Variants in RAD50 observed in about 807,000 individuals in gnomAD.
RAD50 encodes RAD50 double strand break repair protein, also known as DNA repair protein RAD50.
RAD50 carries 132 observed loss-of-function variants against 168.8 expected under a neutral mutation model. The observed-to-expected ratio is 0.78, with a 90% CI of 0.68 to 0.90. RAD50 has a LOEUF of 0.90. Ranked by LOEUF, RAD50 falls within the 40% of genes least tolerant of loss-of-function variation. The pLI is 0.00. For synonymous variants in RAD50, 525 were observed against 497.4 expected, an observed-to-expected ratio of 1.06 and a Z score of -0.74; for missense variants, 1,347 against 1,534.4, an observed-to-expected ratio of 0.88 and a Z score of 2.04.
Position 132,609,355 on chromosome 5 carries a change from G to A in RAD50, c.2995G>A (p.Glu999Lys). 1 of 1,613,798 alleles carries A rather than the reference G, an allele frequency of 6.2e-7. No individual in the cohort carries two copies. The highest frequency in any genetic ancestry group is 8.5e-7 in the Non-Finnish European group (1 of 1,179,882). The stretch of plus-strand genomic sequence containing the variant: ...CGAGAAACACAAAGAAAAGATAAAT[G>A]AAGATATGAGACTCATGAGACAAGA... The part of the protein sequence containing the change: ...ECEKHKEKIN[E>K]DMRLMRQDID... The change falls in exon 19 of 25, where the codon GAA (glutamate) becomes AAA (lysine). Residue 999 changes from glutamate (E) to lysine (K), a missense_variant. Physicochemically the swap from Glu to Lys is moderately conservative, Grantham distance 56. Around this residue, in one of 3 missense-constraint regions of RAD50, gnomAD observed 635 missense variants for 739.2 expected, o/e 0.86. Transcript: ENST00000378823.
chr5:132,611,303 A>C (rs373638326), intron 19 of RAD50, among the ~76,000 whole-genome samples: 2 of 152,298 alleles, frequency 1.3e-5, no homozygotes, highest in African/African-American at 4.8e-5. Flanking sequence ...AGGCAGGAGA[A>C]TCGCTTGAAC....
At chr5:132,588,610 T>C (rs2149840910) in intron 7 of RAD50, 77 bp from the exon 8 acceptor site, 1 of 1,390,626 alleles carries the variant, frequency 7.2e-7, no homozygotes, top group Non-Finnish European at 9.9e-7. Flanking sequence ...TTATTTTTTA[T>C]AACTCGTGAA....
At chr5:132,600,996 A>G (rs926656790) in intron 13 of RAD50, among the ~76,000 whole-genome samples, 3 of 152,178 alleles carry the variant, frequency 2.0e-5, no homozygotes, top group African/African-American at 7.2e-5. Flanking sequence ...AACTCTTGAA[A>G]ATAAAAAATA....
chr5:132,604,090 TTGCGAGCACA>T, intron 15 of RAD50, 44 bp downstream of exon 15: 2 of 1,606,542 alleles, frequency 1.2e-6, no homozygotes, highest in East Asian at 4.5e-5. Flanking sequence ...GACTTTGACA[TTGCGAGCACA>T]TGCCTTTTAC....
chr5:132,596,010 T>C (rs1750786400), intron 13 of RAD50, among the ~76,000 whole-genome samples, 200 bp downstream of exon 13: 2 of 152,110 alleles, frequency 1.3e-5, no homozygotes, highest in African/African-American at 4.8e-5. Flanking sequence ...TTTCTTTTTT[T>C]TTTCTGAGAC....
intron 9 of RAD50, among the ~76,000 whole-genome samples, chr5:132,590,153 A>G (rs1411010849): frequency 1.3e-5 from 2 of 152,180 alleles, no homozygotes; most frequent in Non-Finnish European, 2.9e-5. Context: ...AAACTGGCTA[A>G]TTCTTATGAG....
chr5:132,640,152 A>ATACTT (rs1398550428), intron 23 of RAD50, among the ~76,000 whole-genome samples: 5 of 152,152 alleles, frequency 3.3e-5, no homozygotes, highest in African/African-American at 1.2e-4. Flanking sequence ...TATACTCCTG[A>ATACTT]TACTTTGACC....
chr5:132,599,024 A>G (rs1400874532), intron 13 of RAD50, among the ~76,000 whole-genome samples: 1 of 152,186 alleles, frequency 6.6e-6, no homozygotes, highest in Non-Finnish European at 1.5e-5. Context: ...AGACTAGGCA[A>G]CCACACATTT....
chr5:132,611,705 TAAA>T (rs34112186), intron 19 of RAD50, among the ~76,000 whole-genome samples: 6,883 of 102,890 alleles, frequency 0.067, 622 homozygotes, highest in African/African-American at 0.23. Context: ...GACTCCGTCT[TAAA>T]AAAAAAAAAA....
chr5:132,621,715 GT>G (rs966509567), intron 21 of RAD50, among the ~76,000 whole-genome samples: 1 of 152,128 alleles, frequency 6.6e-6, no homozygotes. Flanking sequence ...TATGGTTACA[GT>G]TGAGAAATCA....
chr5:132,598,303 G>A (rs966722988), intron 13 of RAD50, among the ~76,000 whole-genome samples: 7 of 152,144 alleles, frequency 4.6e-5, no homozygotes, highest in African/African-American at 1.7e-4. Flanking sequence ...GCCTGCCTCA[G>A]CCTCCCAAAG....
At chr5:132,635,018 C>G (rs1386438703) in intron 21 of RAD50, among the ~76,000 whole-genome samples, 1 of 152,086 alleles carries the variant, frequency 6.6e-6, no homozygotes, top group Non-Finnish European at 1.5e-5. Context: ...CTGTGTCATA[C>G]CTTATATACT....
At chr5:132,639,341 G>A (rs991170799) in intron 23 of RAD50, among the ~76,000 whole-genome samples, 3 of 120,364 alleles carry the variant, frequency 2.5e-5, no homozygotes, top group East Asian at 4.7e-4. Context: ...CAACAAGAGC[G>A]AAACTCCGTC....
At chr5:132,576,491 A>C (rs115426510) in intron 3 of RAD50, among the ~76,000 whole-genome samples, 2 of 152,308 alleles carry the variant, frequency 1.3e-5, no homozygotes, top group East Asian at 1.9e-4. Context: ...TTACTTGACT[A>C]TTCAGCTTCT....
At position 132,604,991 on chromosome 5, in the gene RAD50, GAGAT is replaced by G; in HGVS notation, c.2712_2715del (p.Ile905ArgfsTer7). The stretch of plus-strand genomic sequence containing the variant: ...CACTGAAGTTCAGTCTTTGTACAGA[GAGAT>G]AAAGGTAAGAATATCCATACATGTT... On this transcript the variant is annotated frameshift_variant, in exon 16 of 25. Transcript: ENST00000378823. LOFTEE classifies it high-confidence loss of function. 6.2e-7 allele frequency: 1 copy of G among 1,604,206 alleles called. No individual in the cohort carries two copies. The highest frequency in any genetic ancestry group is 1.1e-5 in the South Asian group (1 of 90,510).
At chr5:132,604,174 T>C in intron 15 of RAD50, 128 bp downstream of exon 15, 1 of 1,172,546 alleles carries the variant, frequency 8.5e-7, no homozygotes, top group Non-Finnish European at 1.2e-6. Context: ...ATTTGCTCTT[T>C]TTTTCTGAAA....
intron 17 of RAD50, 50 bp downstream of exon 17, chr5:132,608,775 T>C (rs373760802): frequency 3.8e-5 from 58 of 1,538,898 alleles, no homozygotes; most frequent in East Asian, 2.5e-5. Context: ...ATTAAACTTA[T>C]GTTCATAGCA....
At chr5:132,566,036 T>A (rs900563901) in intron 2 of RAD50, among the ~76,000 whole-genome samples, 2 of 152,324 alleles carry the variant, frequency 1.3e-5, no homozygotes, top group Admixed American at 1.3e-4. Context: ...ACAACTAGAT[T>A]GTTTGGAGAA....
intron 11 of RAD50, chr5:132,593,013 T>G (rs1352416884): frequency 8.2e-5 from 32 of 389,552 alleles, no homozygotes; most frequent in South Asian, 5.9e-4. Context: ...ATTGATCTTC[T>G]TCAGTTAGGG....
Sources: allele counts gnomAD v4.1 joint callset (sites outside exome capture counted in the v4.1 genomes callset), GRCh38; gene constraint gnomAD v4.1.1; regional missense constraint gnomAD v4.1.1; transcripts MANE v1.5; gene names NCBI Gene and HGNC (gene_info 2026-07-23, HGNC 2026-07-21).